Variants in DCAF5 observed in about 807,000 individuals in gnomAD.
DCAF5 encodes DDB1 and CUL4 associated factor 5.
In DCAF5, 9 loss-of-function variants were observed where a neutral mutation model predicts 80.7. That is an observed-to-expected ratio of 0.11 (90% CI 0.07 to 0.19). The LOEUF (loss-of-function observed/expected upper bound fraction) is 0.19, where lower values mean the gene tolerates loss of function less well. DCAF5 is among the 10% of genes least tolerant of loss of function. The pLI is 1.00. For synonymous variants in DCAF5, 433 were observed against 461.9 expected, an observed-to-expected ratio of 0.94 and a Z score of 0.80; for missense variants, 842 against 1,205.7, an observed-to-expected ratio of 0.70 and a Z score of 4.47.
chr14:69,083,449 C>T (rs1246316678), intron 6 of DCAF5: 1 of 322,428 alleles, frequency 3.1e-6, no homozygotes, highest in Non-Finnish European at 6.0e-6. Flanking sequence ...GAAGTGGAAC[C>T]TCAAACTGCG....
chr14:69,095,694 T>C (rs529327299), intron 5 of DCAF5, among the ~76,000 whole-genome samples: 1 of 152,212 alleles, frequency 6.6e-6, no homozygotes, highest in Non-Finnish European at 1.5e-5. Flanking sequence ...GGAAAGTGAT[T>C]GAGCGTATCA....
rs17106754 is a variant in DCAF5, at chr14:69,118,937, C to T, written c.395+257G>A. On this transcript the variant is annotated intron_variant, in intron 3 of 8. Coordinates refer to ENST00000341516, the MANE Select transcript of DCAF5 (RefSeq NM_003861.3). This position sits in a 1 kb window ranked among gnomAD's most constrained non-coding sequence, Gnocchi z 4.0. ...GTTCTTAAATATTATGGTTCCTTCT[C>T]TTCTAAACTCTTGTTTTAAATTTTC... Among the ~76,000 whole-genome samples, 3,959 of 152,304 alleles carry T rather than the reference C, an allele frequency of 0.026. 124 individuals are homozygous for T. Among genetic ancestry groups the T allele is most frequent in the African/African-American group, 0.07 (2,898 of 41,566 alleles).
chr14:69,098,727 CAAAAAA>C (rs35501979), intron 5 of DCAF5, among the ~76,000 whole-genome samples: 133 of 92,488 alleles, frequency 1.4e-3, no homozygotes, highest in Non-Finnish European at 2.2e-3. Flanking sequence ...ACTAAAAATA[CAAAAAA>C]AAAAAAAAAA....
intron 6 of DCAF5, chr14:69,090,159 A>C: frequency 1.0e-6 from 1 of 965,462 alleles, no homozygotes; most frequent in Non-Finnish European, 1.2e-6. Flanking sequence ...ATAGGAAATC[A>C]ACAAAAGCAA....
chr14:69,068,447 C>T (rs1354582790), intron 7 of DCAF5, among the ~76,000 whole-genome samples: 1 of 152,032 alleles, frequency 6.6e-6, no homozygotes, highest in Non-Finnish European at 1.5e-5. Flanking sequence ...GCCTGTAATC[C>T]CAGCACTTTG....
At chr14:69,066,301 A>T (rs1005202924) in intron 7 of DCAF5, among the ~76,000 whole-genome samples, 4 of 151,622 alleles carry the variant, frequency 2.6e-5, no homozygotes, top group African/African-American at 9.7e-5. Flanking sequence ...CGCCCAGCTA[A>T]TTTTTTTGTA....
In DCAF5 at chr14:69,135,997, C is replaced by T. The variant is rs141851502; in HGVS notation, c.215-13637G>A. 2.0e-5 allele frequency among the ~76,000 whole-genome samples: 3 copies of T among 152,074 alleles called. No individual in the cohort carries two copies. The East Asian group carries it at 5.8e-4, about 29-fold the overall frequency. ...TTATTCGATATGGTTTTATATTCTA[C>T]ATTGCAACTAATCTTTAAGAAACTT... On this transcript the variant is annotated intron_variant, in intron 1 of 8. Coordinates refer to ENST00000341516, the MANE Select transcript of DCAF5 (RefSeq NM_003861.3).
chr14:69,076,650 T>C (rs2038911369), intron 6 of DCAF5, among the ~76,000 whole-genome samples: 1 of 152,178 alleles, frequency 6.6e-6, no homozygotes, highest in African/African-American at 2.4e-5. Context: ...AGTTAGCGTT[T>C]GTTGGGGAGT....
intron 5 of DCAF5, among the ~76,000 whole-genome samples, chr14:69,109,248 T>C (rs1353136599): frequency 6.7e-6 from 1 of 150,114 alleles, no homozygotes; most frequent in African/African-American, 2.5e-5. Context: ...GAAGGCTGAG[T>C]CAGGAGAATG....
At chr14:69,062,052 T>C (rs1487142339) in intron 8 of DCAF5, among the ~76,000 whole-genome samples, 1 of 152,044 alleles carries the variant, frequency 6.6e-6, no homozygotes, top group African/African-American at 2.4e-5. Context: ...TCACCTTTCT[T>C]TCTTCTTTTT....
At chr14:69,132,547 C>T (rs1176130976) in intron 1 of DCAF5, among the ~76,000 whole-genome samples, 1 of 152,182 alleles carries the variant, frequency 6.6e-6, no homozygotes, top group Non-Finnish European at 1.5e-5. Context: ...CATTTATCCC[C>T]TATTGTTTTG....
intron 1 of DCAF5, among the ~76,000 whole-genome samples, chr14:69,128,094 A>G (rs2040929376): frequency 6.6e-6 from 1 of 152,230 alleles, no homozygotes; most frequent in African/African-American, 2.4e-5. Context: ...CTTTCCAGAA[A>G]AAAAAGTAGA....
chr14:69,103,279 A>T (rs545711851), intron 5 of DCAF5, among the ~76,000 whole-genome samples: 1 of 152,306 alleles, frequency 6.6e-6, no homozygotes, highest in South Asian at 2.1e-4. Flanking sequence ...AACCAAGAAG[A>T]AGTTCTGGAA....
intron 6 of DCAF5, among the ~76,000 whole-genome samples, chr14:69,087,424 G>C (rs937335772): frequency 6.6e-6 from 1 of 152,202 alleles, no homozygotes; most frequent in Non-Finnish European, 1.5e-5. Context: ...TTTACTGCCA[G>C]AGTCCGCACT....
intron 1 of DCAF5, among the ~76,000 whole-genome samples, chr14:69,151,026 T>C (rs1190211487): frequency 6.6e-6 from 1 of 152,214 alleles, no homozygotes; most frequent in African/African-American, 2.4e-5. Context: ...AAAGTTTACT[T>C]GTGTCTGGGA....
intron 1 of DCAF5, among the ~76,000 whole-genome samples, chr14:69,151,507 C>T (rs969107315): frequency 1.3e-5 from 2 of 152,188 alleles, no homozygotes; most frequent in African/African-American, 4.8e-5. Context: ...CCACGTCCAG[C>T]GCTGGGTTCC....
chr14:69,153,176 C>G (rs1027131180), upstream of DCAF5: 6 of 427,052 alleles, frequency 1.4e-5, no homozygotes, highest in Admixed American at 1.8e-4. Context: ...TCCTTCCCCC[C>G]GAGGCTCCTC....
intron 6 of DCAF5, among the ~76,000 whole-genome samples, chr14:69,082,908 T>C (rs2039171303): frequency 6.6e-6 from 1 of 152,152 alleles, no homozygotes; most frequent in Admixed American, 6.5e-5. Context: ...CTACCAGGGA[T>C]TTCCTAGTGG....
intron 7 of DCAF5, among the ~76,000 whole-genome samples, chr14:69,064,280 G>T (rs1180516458): frequency 1.3e-5 from 2 of 152,202 alleles, no homozygotes; most frequent in Non-Finnish European, 2.9e-5. Flanking sequence ...ATTATGACAA[G>T]TAGCATTTCT....
Sources: gnomAD v4.1 joint callset for allele counts (sites outside exome capture counted in the v4.1 genomes callset) on GRCh38, gnomAD v4.1.1 for gene constraint, Gnocchi (gnomAD v3.1) non-coding constraint, MANE v1.5 for transcripts, NCBI Gene and HGNC (gene_info 2026-07-23, HGNC 2026-07-21) for gene names.